SLC25A21: variants seen among roughly 807,000 people sequenced by gnomAD.
The protein encoded by SLC25A21 is solute carrier family 25 member 21, also known as mitochondrial 2-oxodicarboxylate carrier.
Under a neutral mutation model 43.8 loss-of-function variants are expected in SLC25A21, and 47 were observed. That is an observed-to-expected ratio of 1.07 (90% CI 0.85 to 1.37). SLC25A21 has a LOEUF of 1.37. Ranked by LOEUF, SLC25A21 falls within the 40% of genes most tolerant of loss-of-function variation. SLC25A21 has a pLI of 0.00. For missense variants in SLC25A21, 352 were observed against 350.2 expected (o/e 1.00, Z -0.04); for synonymous variants, 131 against 121.3 (o/e 1.08, Z -0.52).
intron 1 of SLC25A21, among the ~76,000 whole-genome samples, chr14:37,162,503 A>C (rs1051687047): frequency 6.6e-6 from 1 of 152,224 alleles, no homozygotes; most frequent in African/African-American, 2.4e-5. Context: ...CACTTCTCAA[A>C]AGAAGACATT....
At chr14:36,935,185 A>G (rs949761307) in intron 1 of SLC25A21, among the ~76,000 whole-genome samples, 1 of 152,104 alleles carries the variant, frequency 6.6e-6, no homozygotes, top group Non-Finnish European at 1.5e-5. Context: ...CCCACACACT[A>G]TCCAGAATGC....
intron 1 of SLC25A21, among the ~76,000 whole-genome samples, chr14:37,094,057 TA>T (rs1423463045): frequency 1.3e-5 from 2 of 152,214 alleles, no homozygotes; most frequent in African/African-American, 4.8e-5. Context: ...ATGTACTTTT[TA>T]AAAGTTAATT....
intron 6 of SLC25A21, among the ~76,000 whole-genome samples, chr14:36,720,005 C>A (rs35240761): frequency 6.6e-6 from 1 of 152,016 alleles, no homozygotes; most frequent in Non-Finnish European, 1.5e-5. Context: ...GCACTTGGAT[C>A]CCGGCTACAG....
At chr14:36,735,011 T>C (rs1884976754) in intron 3 of SLC25A21, among the ~76,000 whole-genome samples, 1 of 152,216 alleles carries the variant, frequency 6.6e-6, no homozygotes, top group Admixed American at 6.5e-5. Context: ...AAATTTTCAA[T>C]TTTAGCTTTA....
At chr14:36,917,155 G>A (rs748205264) in intron 1 of SLC25A21, among the ~76,000 whole-genome samples, 2 of 151,964 alleles carry the variant, frequency 1.3e-5, no homozygotes, top group Non-Finnish European at 2.9e-5. Flanking sequence ...ATACATACCT[G>A]ATATTACTGT....
chr14:36,889,066 C>A (rs894289766), intron 1 of SLC25A21, among the ~76,000 whole-genome samples: 8 of 152,150 alleles, frequency 5.3e-5, no homozygotes, highest in African/African-American at 1.9e-4. Flanking sequence ...TCTTTTTGAA[C>A]TGTTATTCTA....
At chr14:36,697,735 C>T (rs1487952399) in intron 7 of SLC25A21, among the ~76,000 whole-genome samples, 4 of 77,766 alleles carry the variant, frequency 5.1e-5, no homozygotes, top group African/African-American at 2.3e-4. Flanking sequence ...ATTGCAAGCC[C>T]TACTTTTTTT....
chr14:36,756,320 ACCAGGGGATTG>A (rs750112818), intron 3 of SLC25A21, among the ~76,000 whole-genome samples: 6 of 152,200 alleles, frequency 3.9e-5, no homozygotes, highest in Non-Finnish European at 8.8e-5. Flanking sequence ...ATGTGTGGCC[ACCAGGGGATTG>A]CCTGGCTATG....
intron 1 of SLC25A21, among the ~76,000 whole-genome samples, chr14:36,933,747 C>A (rs1892350402): frequency 6.6e-6 from 1 of 152,134 alleles, no homozygotes; most frequent in Non-Finnish European, 1.5e-5. Flanking sequence ...GCTTCCTGAT[C>A]AGGGAAATAA....
chr14:36,777,929 A>G (rs533790872), intron 3 of SLC25A21, among the ~76,000 whole-genome samples: 1 of 152,236 alleles, frequency 6.6e-6, no homozygotes, highest in South Asian at 2.1e-4. Flanking sequence ...CTCCCAACCT[A>G]GCTATAACAC....
At chr14:36,817,065 G>C (rs1177970432) in intron 2 of SLC25A21, among the ~76,000 whole-genome samples, 4 of 151,984 alleles carry the variant, frequency 2.6e-5, no homozygotes, top group African/African-American at 7.3e-5. Flanking sequence ...CTTTAATTAA[G>C]TTCATTTATC....
At chr14:36,951,311 A>G (rs1892805564) in intron 1 of SLC25A21, among the ~76,000 whole-genome samples, 1 of 152,194 alleles carries the variant, frequency 6.6e-6, no homozygotes, top group Non-Finnish European at 1.5e-5. Context: ...GATTCAAGCA[A>G]CATAATACCT....
At chr14:37,085,640 A>G (rs1043287066) in intron 1 of SLC25A21, among the ~76,000 whole-genome samples, 2 of 152,216 alleles carry the variant, frequency 1.3e-5, no homozygotes, top group African/African-American at 2.4e-5. Context: ...AAAATTATGT[A>G]TGACATTTTA....
intron 5 of SLC25A21, among the ~76,000 whole-genome samples, chr14:36,726,327 G>A (rs1448405107): frequency 1.3e-5 from 2 of 152,234 alleles, no homozygotes; most frequent in South Asian, 2.1e-4. Context: ...CCAGCTGCTC[G>A]GCAGCTGAAG....
intron 1 of SLC25A21, among the ~76,000 whole-genome samples, chr14:37,165,699 A>G (rs936424472): frequency 1.3e-5 from 2 of 152,090 alleles, no homozygotes; most frequent in Non-Finnish European, 2.9e-5. Context: ...CTAAGATAAC[A>G]TTGTCACAGA....
intron 3 of SLC25A21, among the ~76,000 whole-genome samples, chr14:36,757,569 T>C (rs771594109): frequency 6.6e-6 from 1 of 152,242 alleles, no homozygotes; most frequent in Non-Finnish European, 1.5e-5. Context: ...TTGTACTTAA[T>C]TGATATCTTT....
intron 1 of SLC25A21, among the ~76,000 whole-genome samples, chr14:36,998,054 G>T (rs1960410522): frequency 6.6e-6 from 1 of 152,130 alleles, no homozygotes; most frequent in Non-Finnish European, 1.5e-5. Context: ...CCAAGATGAT[G>T]TCAGCCCAAC....
intron 1 of SLC25A21, among the ~76,000 whole-genome samples, chr14:37,142,685 A>G (rs989319847): frequency 3.3e-5 from 5 of 152,186 alleles, no homozygotes; most frequent in Non-Finnish European, 7.3e-5. Context: ...CATAGTGTTC[A>G]TGAATAGAAG....
At chr14:37,048,552 A>C (rs1961638250) in intron 1 of SLC25A21, among the ~76,000 whole-genome samples, 1 of 152,032 alleles carries the variant, frequency 6.6e-6, no homozygotes, top group African/African-American at 2.4e-5. Flanking sequence ...TATTCAACAG[A>C]TTCAAAAATG....
Sources: allele counts gnomAD v4.1 joint callset (sites outside exome capture counted in the v4.1 genomes callset), GRCh38; gene constraint gnomAD v4.1.1; transcripts MANE v1.5; gene names NCBI Gene and HGNC (gene_info 2026-07-23, HGNC 2026-07-21).